The following TENM3 variants were observed in gnomAD, a reference collection of about 807,000 sequenced individuals.
TENM3 encodes the protein teneurin-3.
TENM3 carries 63 observed loss-of-function variants against 255.1 expected under a neutral mutation model. That is an observed-to-expected ratio of 0.25 (90% CI 0.20 to 0.30). The LOEUF (loss-of-function observed/expected upper bound fraction) is 0.30, where lower values mean the gene tolerates loss of function less well. Ranked by LOEUF, TENM3 falls within the 10% of genes least tolerant of loss-of-function variation. TENM3 has a pLI of 1.00. For synonymous variants in TENM3, 1,306 were observed against 1,322.3 expected (o/e 0.99, Z 0.27); for missense variants, 2,929 against 3,461.1 (o/e 0.85, Z 3.86).
chr4:182,790,726 T>G (rs996691377), intron 25 of TENM3, among the ~76,000 whole-genome samples: 1 of 152,230 alleles, frequency 6.6e-6, no homozygotes, highest in African/African-American at 2.4e-5. Flanking sequence ...CATGGCTTCG[T>G]TCTGGAGCAG....
the TENM3 span, among the ~76,000 whole-genome samples, chr4:181,484,730 AT>A: frequency 2.5e-4 from 38 of 150,124 alleles, no homozygotes; most frequent in South Asian, 3.0e-3. Flanking sequence ...ATCAGAACTA[AT>A]TTTTTTTTTA....
intron 3 of TENM3, among the ~76,000 whole-genome samples, chr4:182,500,197 C>T: frequency 6.6e-6 from 1 of 151,954 alleles, no homozygotes. Flanking sequence ...TTGAGAAATA[C>T]TGAGAAAATA....
the TENM3 span, among the ~76,000 whole-genome samples, chr4:182,053,162 A>G: frequency 6.6e-6 from 1 of 152,100 alleles, no homozygotes; most frequent in African/African-American, 2.4e-5. Flanking sequence ...CAATACTCCC[A>G]GGCTATCTCA....
chr4:182,673,151 A>ATCTC lies in TENM3; in HGVS notation c.1262_1265dup (p.Gln423SerfsTer23), dbSNP rs1561087520. 1 of 1,613,736 alleles carries ATCTC rather than the reference A, an allele frequency of 6.2e-7. No homozygotes were observed. The highest frequency in any genetic ancestry group is 2.2e-5 in the East Asian group (1 of 44,878). Reference sequence around the variant, plus strand: ...TCAGCCACAGTTTCTTAAATTCAATATCTCTCTTCAGAAGGATGCATTGAT... The same window carrying ATCTC: ...TCAGCCACAGTTTCTTAAATTCAATATCTCTCTCTCTTCAGAAGGATGCATTGAT... On this transcript the variant is annotated frameshift_variant, in exon 7 of 28. Transcript: ENST00000511685. LOFTEE classifies it high-confidence loss of function.
At chr4:182,078,165 G>T in the TENM3 span, among the ~76,000 whole-genome samples, 1 of 152,138 alleles carries the variant, frequency 6.6e-6, no homozygotes, top group Non-Finnish European at 1.5e-5. Context: ...GTTTGAGGCT[G>T]CAGTAAGCAG....
chr4:182,029,264 CT>C, the TENM3 span, among the ~76,000 whole-genome samples: 6 of 152,202 alleles, frequency 3.9e-5, no homozygotes, highest in African/African-American at 1.2e-4. Context: ...ACATTTCCCC[CT>C]CTTGCTCCAT....
the TENM3 span, among the ~76,000 whole-genome samples, chr4:181,851,648 A>G: frequency 1.3e-5 from 2 of 152,130 alleles, no homozygotes; most frequent in Non-Finnish European, 2.9e-5. Context: ...GCACACACGC[A>G]CACACACTCA....
At chr4:182,217,009 CTTTTTTTTTTTTTT>C (rs3071526) in intron 1 of TENM3, among the ~76,000 whole-genome samples, 10 of 67,528 alleles carry the variant, frequency 1.5e-4, no homozygotes, top group East Asian at 1.2e-3. Flanking sequence ...CATTTTCTTT[CTTTTTTTTTTTTTT>C]TTTTTTTTTT....
chr4:181,623,093 A>T, the TENM3 span, among the ~76,000 whole-genome samples: 5 of 148,346 alleles, frequency 3.4e-5, no homozygotes, highest in South Asian at 2.1e-4. Flanking sequence ...AGTTCGAATT[A>T]AAAAAAAACT....
the TENM3 span, among the ~76,000 whole-genome samples, chr4:181,578,367 A>G: frequency 6.6e-6 from 1 of 152,268 alleles, no homozygotes; most frequent in East Asian, 1.9e-4. Flanking sequence ...GCTCCCTGAG[A>G]GAAGAGTCTC....
At chr4:182,714,778 C>T (rs2152679947) in intron 13 of TENM3, among the ~76,000 whole-genome samples, 1 of 152,314 alleles carries the variant, frequency 6.6e-6, no homozygotes, top group African/African-American at 2.4e-5. Context: ...ATTATTTTCA[C>T]CGTTGACCTC....
intron 1 of TENM3, among the ~76,000 whole-genome samples, chr4:182,211,339 C>T (rs951944196): frequency 6.6e-6 from 1 of 152,106 alleles, no homozygotes; most frequent in Non-Finnish European, 1.5e-5. Flanking sequence ...TTGGGGAACA[C>T]TAATAAATTA....
chr4:182,775,528 GC>G (rs1382318471), intron 24 of TENM3, among the ~76,000 whole-genome samples: 1 of 152,140 alleles, frequency 6.6e-6, no homozygotes, highest in Non-Finnish European at 1.5e-5. Context: ...CCCAGACACT[GC>G]CGCCACCTGC....
intron 1 of TENM3, among the ~76,000 whole-genome samples, chr4:182,273,757 G>A (rs1005629257): frequency 2.6e-5 from 4 of 152,200 alleles, no homozygotes; most frequent in Admixed American, 6.5e-5. Context: ...GCAATTTCCA[G>A]CAGTGAATAC....
chr4:182,093,078 C>A, the TENM3 span, among the ~76,000 whole-genome samples: 1 of 152,116 alleles, frequency 6.6e-6, no homozygotes, highest in Non-Finnish European at 1.5e-5. Context: ...ACCAAAATCT[C>A]CCTGAAAATA....
intron 3 of TENM3, among the ~76,000 whole-genome samples, chr4:182,348,875 G>A (rs185944003): frequency 2.4e-4 from 36 of 152,248 alleles, no homozygotes; most frequent in Non-Finnish European, 4.4e-4. Context: ...AGGAAGACTT[G>A]TGAGTTTCTC....
chr4:182,133,999 G>A, the TENM3 span, among the ~76,000 whole-genome samples: 115 of 152,182 alleles, frequency 7.6e-4, 2 homozygotes, highest in East Asian at 3.1e-3. Context: ...GCCCAGAAAC[G>A]TATATGTTCT....
the TENM3 span, among the ~76,000 whole-genome samples, chr4:181,616,900 G>A: frequency 0.011 from 1,745 of 152,262 alleles, 41 homozygotes; most frequent in African/African-American, 0.04. Context: ...AAATACCAAT[G>A]TCTTTCGGAA....
At chr4:181,925,007 G>T in the TENM3 span, among the ~76,000 whole-genome samples, 1 of 152,182 alleles carries the variant, frequency 6.6e-6, no homozygotes, top group Non-Finnish European at 1.5e-5. Context: ...AAATACAATA[G>T]TATTTTCGGT....
Sources: gnomAD v4.1 joint callset for allele counts (sites outside exome capture counted in the v4.1 genomes callset) on GRCh38, gnomAD v4.1.1 for gene constraint, MANE v1.5 for transcripts, NCBI Gene and HGNC (gene_info 2026-07-23, HGNC 2026-07-21) for gene names.